KRT14: variants seen among roughly 807,000 people sequenced by gnomAD.
The protein encoded by KRT14 is keratin, type I cytoskeletal 14.
KRT14 carries 30 observed loss-of-function variants against 44.5 expected under a neutral mutation model. The observed-to-expected ratio is 0.67, with a 90% confidence interval of 0.50 to 0.92. The LOEUF (loss-of-function observed/expected upper bound fraction) is 0.92, where lower values mean the gene tolerates loss of function less well. Ranked by LOEUF, KRT14 falls within the 40% of genes least tolerant of loss-of-function variation. KRT14 has a pLI of 0.00. For synonymous variants in KRT14, 241 were observed against 257.6 expected (o/e 0.94, Z 0.62); for missense variants, 535 against 640.6 (o/e 0.84, Z 1.78).
Position 41,586,688 on chromosome 17 carries a change from G to A in KRT14, c.147C>T (p.Gly49=), listed in dbSNP as rs531880807. ...SCRAPSTYGG[G]LSVSSSRFSS... is the part of the protein sequence containing the mutation. ...AGAAGCGGGAGGATGAGACAGACAGGCCGCCCCCGTAGGTGCTGGGGGCGC... is the reference window on the plus strand; with the variant it reads ...AGAAGCGGGAGGATGAGACAGACAGACCGCCCCCGTAGGTGCTGGGGGCGC... Residue 49 remains glycine, a synonymous_variant, in exon 1 of 8, where the codon GGC becomes GGT. Coordinates refer to ENST00000167586, the MANE Select transcript of KRT14 (RefSeq NM_000526.5). 1 of 1,595,312 alleles carries A rather than the reference G, an allele frequency of 6.3e-7. No individual in the cohort carries two copies. Among genetic ancestry groups the A allele is most frequent in the Non-Finnish European group, 8.5e-7 (1 of 1,171,260 alleles).
At position 41,586,613 on chromosome 17, in the gene KRT14, G is replaced by A. The variant is rs774092976; in HGVS notation, c.222C>T (p.Ser74=). 3.1e-6 allele frequency: 5 copies of A among 1,611,350 alleles called. No individual in the cohort carries two copies. Among genetic ancestry groups the A allele is most frequent in the African/African-American group, 1.3e-5 (1 of 74,902 alleles). ...GLGGGYGGGF[S]SSSSSFGSGF... The stretch of plus-strand genomic sequence containing the variant: ...CACTACCAAAGCTGCTGCTGCTGCT[G>A]CTGAAGCCACCGCCATAGCCGCCCC... The change falls in exon 1 of 8, where the codon AGC becomes AGT. Residue 74 remains serine, a synonymous_variant. Coordinates refer to ENST00000167586, the MANE Select transcript of KRT14 (RefSeq NM_000526.5).
Position 41,586,471 on chromosome 17 carries a change from G to A in KRT14, c.364C>T (p.Leu122Phe), listed in dbSNP as rs59110575. The A allele has an allele frequency of 6.2e-7, 1 of 1,614,152 alleles. No individual in the cohort carries two copies. Among genetic ancestry groups the A allele is most frequent in the Non-Finnish European group, 8.5e-7 (1 of 1,180,028 alleles). The change falls in exon 1 of 8, where the codon CTC becomes TTC. Residue 122 changes from leucine (L) to phenylalanine (F), a missense_variant. Coordinates refer to ENST00000167586, the MANE Select transcript of KRT14 (RefSeq NM_000526.5). ...AGGTAGGAGGCCAGGCGGTCATTGA[G>A]GTTCTGCATGGTCACCTTCTCACTG... ...VGSEKVTMQN[L>F]NDRLASYLDK...
At chr17:41,583,044 G>A (rs765848593) in intron 7 of KRT14, 50 bp downstream of exon 7, 19 of 1,569,622 alleles carry the variant, frequency 1.2e-5, no homozygotes, top group Admixed American at 8.3e-5. Flanking sequence ...ACCTGCTTGG[G>A]GTACAGAGGG....
rs759664758 is a variant in KRT14, at chr17:41,582,406, C to T, written c.*29G>A. On this transcript the variant is annotated 3_prime_UTR_variant, in exon 8 of 8. Transcript: ENST00000167586. The stretch of plus-strand genomic sequence containing the variant: ...TGGGATCTGTGTCCACACGGGGGGC[C>T]TCCTAGGCCTGAGCGGGGCTGGGCA... The T allele has an allele frequency of 3.9e-6, 6 of 1,530,274 alleles. No individual in the cohort carries two copies. The highest frequency in any genetic ancestry group is 2.1e-4 in the Middle Eastern group (1 of 4,822). The allele number at this position is 1,530,274 out of a possible 1,614,324, so 94.8% of individuals were successfully genotyped here.
At chr17:41,585,754 G>T (rs1235383528) in intron 1 of KRT14, among the ~76,000 whole-genome samples, 1 of 152,236 alleles carries the variant, frequency 6.6e-6, no homozygotes, top group Admixed American at 6.5e-5. Context: ...TCTGTGCAGG[G>T]CACATCAAGG....
intron 7 of KRT14, 42 bp from the exon 8 acceptor site, chr17:41,582,574 G>T: frequency 1.4e-6 from 2 of 1,473,402 alleles, no homozygotes; most frequent in South Asian, 1.2e-5. Flanking sequence ...GAGGTGGACA[G>T]ACAATGGACT....
chr17:41,586,736 G>T lies in KRT14; in HGVS notation c.99C>A (p.Ser33=). Residue 33 remains serine, a synonymous_variant, in exon 1 of 8, where the codon TCC becomes TCA. Transcript: ENST00000167586. ...GIGGGSSRIS[S]VLAGGSCRAP... ...CGCGGCAGGACCCTCCGGCCAGGAC[G>T]GAGGAGATGCGGCTGGAGCCGCCCC... 6.3e-7 allele frequency: 1 copy of T among 1,587,958 alleles called. No individual in the cohort carries two copies. The highest frequency in any genetic ancestry group is 8.6e-7 in the Non-Finnish European group (1 of 1,168,084).
chr17:41,583,176 A>G (rs750383730), intron 6 of KRT14, 36 bp from the exon 7 acceptor site: 19 of 1,606,602 alleles, frequency 1.2e-5, no homozygotes, highest in African/African-American at 5.4e-5. Flanking sequence ...CATTAGATAC[A>G]TGGTGGGGCC....
rs374436319 is a variant in KRT14, at chr17:41,586,456, C to A, written c.379G>T (p.Ala127Ser). The A allele has an allele frequency of 1.2e-6, 2 of 1,614,038 alleles. No homozygotes were observed. The highest frequency in any genetic ancestry group is 1.7e-6 in the Non-Finnish European group (2 of 1,180,040). Reference protein sequence around the residue: ...VTMQNLNDRLASYLDKVRALE... With the variant: ...VTMQNLNDRLSSYLDKVRALE... ...GCACGCACCTTGTCCAGGTAGGAGG[C>A]CAGGCGGTCATTGAGGTTCTGCATG... Residue 127 changes from alanine to serine, a missense_variant, in exon 1 of 8, where the codon GCC (alanine) becomes TCC (serine). Physicochemically the swap from Ala to Ser is moderately conservative, Grantham distance 99 (BLOSUM62 1). Transcript: ENST00000167586.
chr17:41,586,283 G>T (rs746772333), intron 1 of KRT14, 27 bp downstream of exon 1: 17 of 1,611,748 alleles, frequency 1.1e-5, no homozygotes, highest in East Asian at 2.2e-5. Flanking sequence ...TAGCTGGAAT[G>T]GTGCCTTCTG....
At position 41,583,348 on chromosome 17, in the gene KRT14, G is replaced by A. The variant is rs748972921; in HGVS notation, c.1161C>T (p.Leu387=). ...IGSVEEQLAQ[L]RCEMEQQNQE... ...GGTTCTGCTGCTCCATCTCGCAGCG[G>A]AGCTGGGCCAGCTGCTCCTCCACGC... is the stretch of plus-strand genomic sequence containing the variant. Residue 387 remains leucine (L), a synonymous_variant, in exon 6 of 8, where the codon CTC becomes CTT. Coordinates refer to ENST00000167586, the MANE Select transcript of KRT14 (RefSeq NM_000526.5). 1.2e-6 allele frequency: 2 copies of A among 1,613,698 alleles called. No individual in the cohort carries two copies. Among genetic ancestry groups the A allele is most frequent in the East Asian group, 4.5e-5 (2 of 44,850 alleles).
Position 41,584,412 on chromosome 17 carries a change from A to G in KRT14, c.610T>C (p.Tyr204His). The change falls in exon 3 of 8, where the codon TAT becomes CAT. Residue 204 changes from tyrosine to histidine, a missense_variant and splice_region_variant. Transcript: ENST00000167586. ...RLAADDFRTK[Y>H]ETELNLRMSV... ...ATGCGCAGGTTCAACTCTGTCTCAT[A>G]CCTGGAATGACCCCAGAGAAAAGGT... 1 of 1,613,860 alleles carries G rather than the reference A, an allele frequency of 6.2e-7. No homozygotes were observed. Among genetic ancestry groups the G allele is most frequent in the East Asian group, 2.2e-5 (1 of 44,874 alleles).
chr17:41,582,401 G>A lies in KRT14; in HGVS notation c.*34C>T. ...TCCAGTGGGATCTGTGTCCACACGGGGGGCCTCCTAGGCCTGAGCGGGGCT... is the reference window on the plus strand; with the variant it reads ...TCCAGTGGGATCTGTGTCCACACGGAGGGCCTCCTAGGCCTGAGCGGGGCT... On this transcript the variant is annotated 3_prime_UTR_variant, in exon 8 of 8. Transcript: ENST00000167586. 3 of 1,501,808 alleles carry A rather than the reference G, an allele frequency of 2.0e-6. No individual in the cohort carries two copies. The highest frequency in any genetic ancestry group is 2.5e-5 in the East Asian group (1 of 40,750). The allele number at this position is 1,501,808 out of a possible 1,614,324, so 93.0% of individuals were successfully genotyped here.
chr17:41,586,712 G>A lies in KRT14; in HGVS notation c.123C>T (p.Arg41=), dbSNP rs547482686. 94 of 1,589,840 alleles carry A rather than the reference G, an allele frequency of 5.9e-5. No individual in the cohort carries two copies. Among genetic ancestry groups the A allele is most frequent in the South Asian group, 9.0e-5 (8 of 88,980 alleles). Reference sequence around the variant, plus strand: ...GGCCGCCCCCGTAGGTGCTGGGGGCGCGGCAGGACCCTCCGGCCAGGACGG... The same window carrying A: ...GGCCGCCCCCGTAGGTGCTGGGGGCACGGCAGGACCCTCCGGCCAGGACGG... ...ISSVLAGGSC[R]APSTYGGGLS... The change falls in exon 1 of 8, where the codon CGC becomes CGT. Residue 41 remains arginine (R), a synonymous_variant. Transcript: ENST00000167586.
chr17:41,583,542 T>G lies in KRT14; in HGVS notation c.1053+9A>C. The G allele has an allele frequency of 6.2e-7, 1 of 1,614,228 alleles. No homozygotes were observed. Among genetic ancestry groups the G allele is most frequent in the Non-Finnish European group, 8.5e-7 (1 of 1,180,034 alleles). ...CTGGGTGCACCACCCTTCCTGGCAC[T>G]ATTCCTACCATGCTGAGCTGGGACT... On this transcript the variant is annotated intron_variant, in intron 5 of 7. Transcript: ENST00000167586.
In KRT14 at chr17:41,584,955, G is replaced by A. The variant is rs147037354; in HGVS notation, c.608+20C>T. ...TACTCTGGGGACACTGGATGTTCTG[G>A]CCCACCATTTCAAACTCACTTGGTG... On this transcript the variant is annotated intron_variant, in intron 2 of 7. Transcript: ENST00000167586. 6.3e-7 allele frequency: 1 copy of A among 1,596,384 alleles called. No individual in the cohort carries two copies. The highest frequency in any genetic ancestry group is 8.6e-7 in the Non-Finnish European group (1 of 1,163,836).
intron 5 of KRT14, 34 bp from the exon 6 acceptor site, chr17:41,583,489 G>A: frequency 1.9e-6 from 3 of 1,614,162 alleles, no homozygotes; most frequent in South Asian, 2.2e-5. Context: ...AACGATTAGT[G>A]AGTGTGGCCG....
chr17:41,583,178 G>A, intron 6 of KRT14, 38 bp from the exon 7 acceptor site: 2 of 1,612,890 alleles, frequency 1.2e-6, no homozygotes, highest in Non-Finnish European at 1.7e-6. Flanking sequence ...TTAGATACAT[G>A]GTGGGGCCGT....
intron 1 of KRT14, among the ~76,000 whole-genome samples, chr17:41,585,535 AACAC>A (rs1448040863): frequency 1.3e-5 from 2 of 152,242 alleles, no homozygotes; most frequent in Non-Finnish European, 2.9e-5. Context: ...AAACCCAACT[AACAC>A]AGGGGATTAG....
Sources: gnomAD v4.1 joint callset for allele counts (sites outside exome capture counted in the v4.1 genomes callset) on GRCh38, gnomAD v4.1.1 for gene constraint, MANE v1.5 for transcripts, NCBI Gene and HGNC (gene_info 2026-07-23, HGNC 2026-07-21) for gene names.